The following MYH15 variants were observed in gnomAD, a reference collection of about 807,000 sequenced individuals.
MYH15 encodes the protein myosin heavy chain 15.
A neutral mutation model predicts 240.5 loss-of-function variants in MYH15; 227 were observed. The observed-to-expected ratio is 0.94, with a 90% CI of 0.85 to 1.05. MYH15 has a LOEUF of 1.05. MYH15 is among the 50% of genes least tolerant of loss of function. The probability of loss-of-function intolerance (pLI) is 0.00; values close to 1 mark genes in which losing one functional copy is unlikely to be tolerated. For missense variants in MYH15, 2,217 were observed against 2,247.5 expected (o/e 0.99, Z 0.27); for synonymous variants, 785 against 796.7 (o/e 0.99, Z 0.25).
At chr3:108,460,417 T>A (rs762416197) in intron 16 of MYH15, 50 bp from the exon 17 acceptor site, 9 of 1,452,460 alleles carry the variant, frequency 6.2e-6, no homozygotes, top group Middle Eastern at 1.8e-4. Flanking sequence ...AAAGCTCATT[T>A]TTATCACATT....
chr3:108,513,192 G>T (rs1437012863), upstream of MYH15, among the ~76,000 whole-genome samples: 1 of 152,180 alleles, frequency 6.6e-6, no homozygotes, highest in Non-Finnish European at 1.5e-5. Context: ...TTTTGTGAAT[G>T]ACAGAGAAAC....
intron 7 of MYH15, among the ~76,000 whole-genome samples, chr3:108,495,554 T>C (rs183672352): frequency 6.6e-6 from 1 of 152,280 alleles, no homozygotes; most frequent in East Asian, 1.9e-4. Flanking sequence ...GCTTTTTTCT[T>C]GAAATTGACC....
chr3:108,539,323 T>C, the MYH15 span, among the ~76,000 whole-genome samples: 5 of 152,030 alleles, frequency 3.3e-5, no homozygotes, highest in Admixed American at 3.3e-4. Flanking sequence ...GTACTTAAGT[T>C]TGAGGAGGAG....
intron 27 of MYH15, among the ~76,000 whole-genome samples, chr3:108,425,065 A>G (rs1354192871): frequency 6.6e-6 from 1 of 152,250 alleles, no homozygotes; most frequent in African/African-American, 2.4e-5. Flanking sequence ...GATAATGCAT[A>G]AGTATAAAGA....
chr3:108,546,484 C>T, the MYH15 span, among the ~76,000 whole-genome samples: 1 of 152,076 alleles, frequency 6.6e-6, no homozygotes, highest in African/African-American at 2.4e-5. Context: ...TTTTTAATAA[C>T]ATAATGAAAG....
chr3:108,498,207 G>C, intron 5 of MYH15, 62 bp from the exon 6 acceptor site: 1 of 1,482,414 alleles, frequency 6.7e-7, no homozygotes, highest in Non-Finnish European at 9.4e-7. Context: ...ACGAAAGTTA[G>C]GTAATTTTGA....
At chr3:108,438,306 TC>T (rs1389386716) in intron 24 of MYH15, among the ~76,000 whole-genome samples, 2 of 152,188 alleles carry the variant, frequency 1.3e-5, no homozygotes, top group Non-Finnish European at 2.9e-5. Flanking sequence ...CACTAAATGT[TC>T]CCCATCAGAA....
the MYH15 span, chr3:108,549,719 T>C: frequency 2.2e-4 from 34 of 152,026 alleles, no homozygotes; most frequent in Non-Finnish European, 4.4e-4. Context: ...GGACTGGACA[T>C]CATAGAACAC....
intron 31 of MYH15, 101 bp downstream of exon 31, chr3:108,410,482 C>A: frequency 5.3e-6 from 4 of 758,006 alleles, no homozygotes; most frequent in Non-Finnish European, 8.1e-6. Context: ...AAAGTTAAAA[C>A]ATGTTGGGAA....
intron 38 of MYH15, among the ~76,000 whole-genome samples, chr3:108,387,650 C>T (rs2107533636): frequency 6.6e-6 from 1 of 152,272 alleles, no homozygotes; most frequent in East Asian, 1.9e-4. Flanking sequence ...CATTTCATGT[C>T]ATCAACATGG....
chr3:108,441,317 C>G lies in MYH15; in HGVS notation c.2656-57G>C. 3 of 1,592,160 alleles carry G rather than the reference C, an allele frequency of 1.9e-6. No homozygotes were observed. The South Asian group carries it at 3.3e-5, about 18-fold the overall frequency. ...AGCTGGAAGTAATTTATCAGCTAGGCGAAAATGCTGCTTAACACACAGCAA... is the reference window on the plus strand; with the variant it reads ...AGCTGGAAGTAATTTATCAGCTAGGGGAAAATGCTGCTTAACACACAGCAA... On this transcript the variant is annotated intron_variant, in intron 22 of 40. Coordinates refer to ENST00000693548, the MANE Select transcript of MYH15 (RefSeq NM_014981.3).
At chr3:108,456,687 T>C (rs2083022597) in intron 19 of MYH15, 79 bp downstream of exon 19, 3 of 1,019,420 alleles carry the variant, frequency 2.9e-6, no homozygotes, top group Non-Finnish European at 4.6e-6. Flanking sequence ...AAACAAACAA[T>C]GCATGCCTAA....
the MYH15 span, among the ~76,000 whole-genome samples, chr3:108,539,284 T>C: frequency 1.3e-5 from 2 of 152,096 alleles, no homozygotes; most frequent in Non-Finnish European, 2.9e-5. Flanking sequence ...CAAAAGCAGG[T>C]GAAACAATAC....
chr3:108,492,323 CA>C (rs1455718549), intron 9 of MYH15, among the ~76,000 whole-genome samples, 176 bp downstream of exon 9: 1 of 151,936 alleles, frequency 6.6e-6, no homozygotes, highest in African/African-American at 2.4e-5. Flanking sequence ...ACTGTCTGTC[CA>C]TATAAAATTA....
intron 9 of MYH15, among the ~76,000 whole-genome samples, chr3:108,492,208 A>ACT (rs2083353911): frequency 1.5e-5 from 2 of 137,200 alleles, no homozygotes; most frequent in Non-Finnish European, 3.3e-5. Context: ...TTATACACAC[A>ACT]CACACACACA....
Position 108,456,814 on chromosome 3 carries a change from C to T in MYH15, c.2090G>A (p.Cys697Tyr). The change falls in exon 19 of 41, where the codon TGC (cysteine) becomes TAC (tyrosine). Residue 697 changes from cysteine to tyrosine, a missense_variant. Physicochemically the swap from Cys to Tyr is radical, Grantham distance 194. Transcript: ENST00000693548. Reference sequence around the variant, plus strand: ...CAGTCGGTTTGGAAAACCTTCACGGCATATCCTAGTCCCTTCCAAGACACC... The same window carrying T: ...CAGTCGGTTTGGAAAACCTTCACGGTATATCCTAGTCCCTTCCAAGACACC... ...CNGVLEGTRI[C>Y]REGFPNRLQY... 6.2e-7 allele frequency: 1 copy of T among 1,613,710 alleles called. No homozygotes were observed. The highest frequency in any genetic ancestry group is 8.5e-7 in the Non-Finnish European group (1 of 1,179,784).
intron 29 of MYH15, 66 bp from the exon 30 acceptor site, chr3:108,414,494 G>A: frequency 1.4e-6 from 2 of 1,435,582 alleles, no homozygotes; most frequent in Non-Finnish European, 1.9e-6. Context: ...TTGAAAGTAA[G>A]CTAATTTTTT....
chr3:108,415,313 T>G (rs1205545980), intron 29 of MYH15, among the ~76,000 whole-genome samples: 1 of 152,140 alleles, frequency 6.6e-6, no homozygotes, highest in East Asian at 1.9e-4. Context: ...AAGGTTTAGT[T>G]AATGGCAGCC....
At chr3:108,450,745 G>A (rs542087716) in intron 21 of MYH15, among the ~76,000 whole-genome samples, 118 of 152,236 alleles carry the variant, frequency 7.8e-4, no homozygotes, top group African/African-American at 2.7e-3. Context: ...TGATTAATCA[G>A]TTTGATTGTG....
Sources: gnomAD v4.1 joint callset for allele counts (sites outside exome capture counted in the v4.1 genomes callset) on GRCh38, gnomAD v4.1.1 for gene constraint, MANE v1.5 for transcripts, NCBI Gene and HGNC (gene_info 2026-07-23, HGNC 2026-07-21) for gene names.